The following GPC5 variants were observed in gnomAD, a reference collection of about 807,000 sequenced individuals.
GPC5 encodes glypican-5.
In GPC5, 47 loss-of-function variants were observed where a neutral mutation model predicts 53.9. That is an observed-to-expected ratio of 0.87 (90% CI 0.69 to 1.11). The LOEUF is 1.11. Among genes scored for constraint, GPC5 ranks in the 50% most tolerant of loss-of-function variants. GPC5 has a pLI of 0.00. For synonymous variants in GPC5, 286 were observed against 263.3 expected (o/e 1.09, Z -0.84); for missense variants, 748 against 713.1 (o/e 1.05, Z -0.56).
At chr13:92,838,767 A>G (rs1371580500) in intron 7 of GPC5, among the ~76,000 whole-genome samples, 2 of 152,208 alleles carry the variant, frequency 1.3e-5, no homozygotes. Flanking sequence ...AGAGAAATTG[A>G]GCCTATTTTT....
chr13:91,571,091 G>T (rs940347975), intron 2 of GPC5, among the ~76,000 whole-genome samples: 3 of 151,908 alleles, frequency 2.0e-5, no homozygotes, highest in Non-Finnish European at 4.4e-5. Flanking sequence ...AATGCTTCTG[G>T]TCTTTGCACT....
intron 7 of GPC5, among the ~76,000 whole-genome samples, chr13:92,286,059 CCAA>C (rs1315720282): frequency 1.3e-5 from 2 of 150,462 alleles, no homozygotes; most frequent in Non-Finnish European, 3.0e-5. Flanking sequence ...AAAAGCAACC[CCAA>C]CAAGTGGGCG....
At chr13:91,698,691 C>G (rs1001837852) in intron 3 of GPC5, among the ~76,000 whole-genome samples, 3 of 152,124 alleles carry the variant, frequency 2.0e-5, no homozygotes, top group Non-Finnish European at 4.4e-5. Flanking sequence ...AATGCCATTG[C>G]AATTTTAGAT....
chr13:92,261,943 T>C (rs935882873), intron 7 of GPC5, among the ~76,000 whole-genome samples: 4 of 152,300 alleles, frequency 2.6e-5, no homozygotes, highest in Admixed American at 2.6e-4. Flanking sequence ...TGTTATACTG[T>C]TGTAAATGGT....
intron 5 of GPC5, among the ~76,000 whole-genome samples, chr13:91,901,983 G>A (rs1445507391): frequency 6.6e-6 from 1 of 151,878 alleles, no homozygotes; most frequent in South Asian, 2.1e-4. Context: ...AAACAAGAAA[G>A]CTCTCATCAA....
chr13:92,681,415 C>T (rs1216901638), intron 7 of GPC5, among the ~76,000 whole-genome samples: 2 of 151,770 alleles, frequency 1.3e-5, no homozygotes, highest in African/African-American at 4.8e-5. Context: ...TCCATCCCCA[C>T]CCAACTCACC....
At chr13:91,471,331 A>G (rs1329094398) in intron 2 of GPC5, among the ~76,000 whole-genome samples, 1 of 152,024 alleles carries the variant, frequency 6.6e-6, no homozygotes, top group Non-Finnish European at 1.5e-5. Context: ...TTCTCTGAGA[A>G]TTTACTATAA....
intron 5 of GPC5, among the ~76,000 whole-genome samples, chr13:91,786,092 G>A (rs763071692): frequency 1.1e-4 from 16 of 152,252 alleles, no homozygotes; most frequent in Non-Finnish European, 1.9e-4. Flanking sequence ...TGCCTCCTAA[G>A]TTCAAGTGAT....
rs955250755 is a variant in GPC5 at position 91,399,042 on chromosome 13, C to T, written c.-5C>T. 1.3e-6 allele frequency: 2 copies of T among 1,546,536 alleles called. No individual in the cohort carries two copies. Among genetic ancestry groups the T allele is most frequent in the African/African-American group, 2.7e-5 (2 of 72,968 alleles). ...TGGCGGGTAAAGGGGACCAGGACGGCGAGGATGGACGCACAGACCTGGCCC... is the reference window on the plus strand; with the variant it reads ...TGGCGGGTAAAGGGGACCAGGACGGTGAGGATGGACGCACAGACCTGGCCC... On this transcript the variant is annotated 5_prime_UTR_variant, in exon 1 of 8. Coordinates refer to ENST00000377067, the MANE Select transcript of GPC5 (RefSeq NM_004466.6).
intron 2 of GPC5, among the ~76,000 whole-genome samples, chr13:91,587,184 A>G (rs2032629229): frequency 6.6e-6 from 1 of 152,082 alleles, no homozygotes; most frequent in Non-Finnish European, 1.5e-5. Flanking sequence ...GAAGTTTTGG[A>G]AATTTATGTT....
At chr13:91,791,506 T>A (rs1050767579) in intron 5 of GPC5, among the ~76,000 whole-genome samples, 1 of 152,182 alleles carries the variant, frequency 6.6e-6, no homozygotes, top group Admixed American at 6.5e-5. Flanking sequence ...AATGAAAGTA[T>A]GAGATCTGAG....
intron 7 of GPC5, among the ~76,000 whole-genome samples, chr13:92,785,566 A>G (rs182088614): frequency 2.3e-3 from 346 of 152,324 alleles, no homozygotes; most frequent in Non-Finnish European, 3.9e-3. Context: ...CTTTACTCCA[A>G]TTCTCCGTGG....
intron 7 of GPC5, among the ~76,000 whole-genome samples, chr13:92,578,737 C>A (rs959889801): frequency 6.6e-6 from 1 of 152,194 alleles, no homozygotes; most frequent in Non-Finnish European, 1.5e-5. Context: ...AACATCCTCA[C>A]AGACATACCC....
intron 7 of GPC5, among the ~76,000 whole-genome samples, chr13:92,500,129 ACCAGGAGAAGCCC>A (rs1394572623): frequency 2.0e-5 from 3 of 152,210 alleles, no homozygotes; most frequent in Non-Finnish European, 4.4e-5. Context: ...CATAAGGAAC[ACCAGGAGAAGCCC>A]TGTCATCTAG....
intron 7 of GPC5, among the ~76,000 whole-genome samples, chr13:92,171,383 A>ACC (rs58595204): frequency 0.025 from 3,827 of 151,918 alleles, 152 homozygotes; most frequent in African/African-American, 0.087. Flanking sequence ...ACACACACAC[A>ACC]CCCCTATATT....
chr13:92,148,323 A>AG (rs1353136264), intron 7 of GPC5, among the ~76,000 whole-genome samples: 1 of 152,044 alleles, frequency 6.6e-6, no homozygotes, highest in Non-Finnish European at 1.5e-5. Context: ...CAGATGACAG[A>AG]GGGGTCTCTA....
At chr13:92,046,304 C>A (rs1379003288) in intron 6 of GPC5, among the ~76,000 whole-genome samples, 3 of 152,070 alleles carry the variant, frequency 2.0e-5, no homozygotes, top group African/African-American at 4.8e-5. Flanking sequence ...ATTACAAGTT[C>A]AAGAAAGAAC....
chr13:92,737,277 T>C (rs2139305883), intron 7 of GPC5, among the ~76,000 whole-genome samples: 1 of 152,142 alleles, frequency 6.6e-6, no homozygotes, highest in East Asian at 1.9e-4. Flanking sequence ...TGAACTGCAG[T>C]CAAAATAGTT....
chr13:92,431,798 A>G (rs1445552289), intron 7 of GPC5, among the ~76,000 whole-genome samples: 1 of 152,172 alleles, frequency 6.6e-6, no homozygotes, highest in Non-Finnish European at 1.5e-5. Context: ...AAGACTGTTT[A>G]AAAGGCTGTT....
Sources: gnomAD v4.1 joint callset for allele counts (sites outside exome capture counted in the v4.1 genomes callset) on GRCh38, gnomAD v4.1.1 for gene constraint, MANE v1.5 for transcripts, NCBI Gene and HGNC (gene_info 2026-07-23, HGNC 2026-07-21) for gene names.